The following DOC2A variants were observed in gnomAD, a reference collection of about 807,000 sequenced individuals.
DOC2A encodes the protein double C2-like domain-containing protein alpha.
Under a neutral mutation model 40.6 loss-of-function variants are expected in DOC2A, and 28 were observed. The observed-to-expected ratio is 0.69, with a 90% CI of 0.51 to 0.95. The LOEUF (loss-of-function observed/expected upper bound fraction) is 0.95, where lower values mean the gene tolerates loss of function less well. DOC2A is among the 40% of genes least tolerant of loss of function. DOC2A has a pLI of 0.00. For synonymous variants in DOC2A, 241 were observed against 236.9 expected, an observed-to-expected ratio of 1.02 and a Z score of -0.16; for missense variants, 474 against 552.5, an observed-to-expected ratio of 0.86 and a Z score of 1.42.
upstream of DOC2A, among the ~76,000 whole-genome samples, chr16:30,013,791 C>T (rs1441419671): frequency 3.3e-5 from 5 of 151,128 alleles, no homozygotes; most frequent in African/African-American, 1.2e-4. Flanking sequence ...CTTGGCTCAC[C>T]GCAACCTCTG....
Position 30,006,310 on chromosome 16 carries a change from C to T in DOC2A, c.1079G>A (p.Gly360Asp), listed in dbSNP as rs868040487. ...GTGCTTCCGAGCCTCGCCTCGGGCA[C>T]CTGGCCCCAGGGACACGCCACCTGG... ...DFIGGVSLGP[G>D]ARGEARKHWS... The change falls in exon 11 of 11, where the codon GGT (glycine) becomes GAT (aspartate). Residue 360 changes from glycine to aspartate, a missense_variant. Gly to Asp is a moderately conservative substitution (Grantham distance 94, BLOSUM62 -1). Coordinates refer to ENST00000350119, the MANE Select transcript of DOC2A (RefSeq NM_003586.3). This position sits in a 1 kb window ranked among gnomAD's most constrained non-coding sequence, Gnocchi z 6.2. 4 of 1,611,632 alleles carry T rather than the reference C, an allele frequency of 2.5e-6. No homozygotes were observed. The highest frequency in any genetic ancestry group is 1.7e-4 in the Middle Eastern group (1 of 6,050).
rs1174230719 is a variant in DOC2A at position 30,005,720 on chromosome 16, C to G, written c.*466G>C. 1 of 526,786 alleles carries G rather than the reference C, an allele frequency of 1.9e-6. No individual in the cohort carries two copies. The highest frequency in any genetic ancestry group is 3.3e-6 in the Non-Finnish European group (1 of 300,760). The allele number at this position is 526,786 out of a possible 1,614,324, so 32.6% of individuals were successfully genotyped here. ...GAGGCAGAGACCCTGCAATGGCCAC[C>G]TCTTTAAAAGGGCAGCTGTACAGGG... On this transcript the variant is annotated 3_prime_UTR_variant, in exon 11 of 11. Transcript: ENST00000350119.
chr16:30,017,537 G>A lies in DOC2A; in HGVS notation c.-376+3646C>T, dbSNP rs184491433. Among the ~76,000 whole-genome samples, 213 of 152,130 alleles carry A rather than the reference G, an allele frequency of 1.4e-3. 3 individuals are homozygous for A. The highest frequency in any genetic ancestry group is 4.7e-3 in the African/African-American group (194 of 41,506). ...GCCATTATCCTAACTGAATTAATGC[G>A]GAAACAGAAAATCAAATACCACATG... On this transcript the variant is annotated intron_variant, in intron 1 of 5. Transcript: ENST00000574405.
chr16:30,018,103 CAAA>C (rs34061843), intron 1 of DOC2A, among the ~76,000 whole-genome samples: 711 of 61,586 alleles, frequency 0.012, 4 homozygotes, highest in East Asian at 0.062. Flanking sequence ...CTATTTCTAC[CAAA>C]AAAAAAAAAA....
rs1596690998 is a variant in DOC2A, at chr16:30,005,646, G to A, written c.*540C>T. 1.7e-5 allele frequency: 10 copies of A among 593,864 alleles called. No individual in the cohort carries two copies. Among genetic ancestry groups the A allele is most frequent in the South Asian group, 1.1e-4 (5 of 46,880 alleles). The allele number at this position is 593,864 out of a possible 1,614,324, so 36.8% of individuals were successfully genotyped here. A position where few individuals can be genotyped will look rare whatever the true frequency, so the allele number is the denominator to read the frequency against. On this transcript the variant is annotated 3_prime_UTR_variant, in exon 11 of 11. Coordinates refer to ENST00000350119, the MANE Select transcript of DOC2A (RefSeq NM_003586.3). Reference sequence around the variant, plus strand: ...TGCCTTCAAACCCCGGCCCCCTCCAGGGGACAGTTATTTAAACGAGTGGCC... The same window carrying A: ...TGCCTTCAAACCCCGGCCCCCTCCAAGGGACAGTTATTTAAACGAGTGGCC...
In DOC2A at chr16:30,006,306, G is replaced by C. The variant is rs2070586494; in HGVS notation, c.1083C>G (p.Ala361=). Residue 361 remains alanine (A), a synonymous_variant, in exon 11 of 11, where the codon GCC becomes GCG. Transcript: ENST00000350119. This position sits in a 1 kb window ranked among gnomAD's most constrained non-coding sequence, Gnocchi z 6.2. ...FIGGVSLGPG[A]RGEARKHWSD... is the part of the protein sequence containing the mutation. The stretch of plus-strand genomic sequence containing the variant: ...TCCAGTGCTTCCGAGCCTCGCCTCG[G>C]GCACCTGGCCCCAGGGACACGCCAC... 1 of 1,611,294 alleles carries C rather than the reference G, an allele frequency of 6.2e-7. No homozygotes were observed. The highest frequency in any genetic ancestry group is 1.7e-5 in the Admixed American group (1 of 59,862).
Position 30,006,315 on chromosome 16 carries a change from C to A in DOC2A, c.1074G>T (p.Gly358=). 6.2e-7 allele frequency: 1 copy of A among 1,611,704 alleles called. No homozygotes were observed. Among genetic ancestry groups the A allele is most frequent in the Non-Finnish European group, 8.5e-7 (1 of 1,179,614 alleles). The change falls in exon 11 of 11, where the codon GGG becomes GGT. Residue 358 remains glycine (G), a synonymous_variant. Coordinates refer to ENST00000350119, the MANE Select transcript of DOC2A (RefSeq NM_003586.3). This position sits in a 1 kb window ranked among gnomAD's most constrained non-coding sequence, Gnocchi z 6.2. ...SNDFIGGVSL[G]PGARGEARKH... ...TCCGAGCCTCGCCTCGGGCACCTGG[C>A]CCCAGGGACACGCCACCTGGGGAGC... is the stretch of plus-strand genomic sequence containing the variant.
At position 30,006,690 on chromosome 16, in the gene DOC2A, T is replaced by G. The variant is rs1328597550; in HGVS notation, c.879-13A>C. ...GGGCCTCAGGTACCTGGGGGTGGGG[T>G]GGAGGGAGACGAACTGAGGGGTGAG... On this transcript the variant is annotated splice_polypyrimidine_tract_variant and intron_variant, in intron 8 of 10. Transcript: ENST00000350119. This position sits in a 1 kb window ranked among gnomAD's most constrained non-coding sequence, Gnocchi z 6.2. 6.2e-7 allele frequency: 1 copy of G among 1,612,730 alleles called. No individual in the cohort carries two copies.
upstream of DOC2A, chr16:30,015,318 T>G (rs1019973645): frequency 2.6e-5 from 4 of 152,344 alleles, no homozygotes; most frequent in African/African-American, 9.6e-5. Context: ...GTTTGTTTGT[T>G]TGTTTGTTTG....
chr16:30,006,745 C>T lies in DOC2A; in HGVS notation c.878+40G>A. ...AGGCCAGGCCCAACTCAGGCCAGGGCAGGCTCCCTGGGGAGGAGAGGGTCA... is the reference window on the plus strand; with the variant it reads ...AGGCCAGGCCCAACTCAGGCCAGGGTAGGCTCCCTGGGGAGGAGAGGGTCA... On this transcript the variant is annotated intron_variant, in intron 8 of 10. Coordinates refer to ENST00000350119, the MANE Select transcript of DOC2A (RefSeq NM_003586.3). The surrounding 1 kb of genome is among the most constrained non-coding windows in gnomAD (Gnocchi z 6.2). 1.2e-6 allele frequency: 2 copies of T among 1,613,822 alleles called. No homozygotes were observed. Among genetic ancestry groups the T allele is most frequent in the South Asian group, 1.1e-5 (1 of 91,086 alleles).
intron 1 of DOC2A, among the ~76,000 whole-genome samples, chr16:30,018,014 C>T (rs2070871805): frequency 6.8e-6 from 1 of 146,360 alleles, no homozygotes; most frequent in Admixed American, 6.9e-5. Flanking sequence ...CGCTGTAATC[C>T]CAGCACTTTG....
Position 30,009,840 on chromosome 16 carries a change from C to T in DOC2A, c.262+121G>A. ...GCTGTGGTGGCCGTCCCTGCCACCC[C>T]CCCACTGCCCTCCTCCCCTACCTAC... On this transcript the variant is annotated intron_variant, in intron 2 of 10. Coordinates refer to ENST00000350119, the MANE Select transcript of DOC2A (RefSeq NM_003586.3). The surrounding 1 kb of genome is among the most constrained non-coding windows in gnomAD (Gnocchi z 4.1). 1 of 1,147,602 alleles carries T rather than the reference C, an allele frequency of 8.7e-7. No homozygotes were observed. The highest frequency in any genetic ancestry group is 2.5e-5 in the East Asian group (1 of 39,620). 71.1% of individuals were successfully genotyped at this position (1,147,602 alleles called of 1,614,324 possible).
In DOC2A at chr16:30,006,086, G is replaced by T; in HGVS notation, c.*100C>A. On this transcript the variant is annotated 3_prime_UTR_variant, in exon 11 of 11. Transcript: ENST00000350119. The surrounding 1 kb of genome is among the most constrained non-coding windows in gnomAD (Gnocchi z 6.2). Reference sequence around the variant, plus strand: ...AGACTCACAAAAATAGGTAGTGCAGGGTGGGGGCAGCCCACCCTGTGTAAA... The same window carrying T: ...AGACTCACAAAAATAGGTAGTGCAGTGTGGGGGCAGCCCACCCTGTGTAAA... The T allele has an allele frequency of 7.3e-7, 1 of 1,377,710 alleles. No individual in the cohort carries two copies. Among genetic ancestry groups the T allele is most frequent in the Non-Finnish European group, 9.7e-7 (1 of 1,026,292 alleles). 85.3% of individuals were successfully genotyped at this position (1,377,710 alleles called of 1,614,324 possible).
chr16:30,008,629 G>C (rs1023515887), intron 5 of DOC2A: 1 of 284,090 alleles, frequency 3.5e-6, no homozygotes, highest in Non-Finnish European at 6.9e-6. Flanking sequence ...TCAGCCTCTC[G>C]AGTAGCTGGG....
rs1040747731 is a variant in DOC2A at position 30,009,836 on chromosome 16, AC to A, written c.262+124del. 5.4e-5 allele frequency: 46 copies of A among 854,214 alleles called. No individual in the cohort carries two copies. The highest frequency in any genetic ancestry group is 1.0e-4 in the South Asian group (7 of 70,118). 52.9% of individuals were successfully genotyped at this position (854,214 alleles called of 1,614,324 possible). On this transcript the variant is annotated intron_variant, in intron 2 of 10. Coordinates refer to ENST00000350119, the MANE Select transcript of DOC2A (RefSeq NM_003586.3). The surrounding 1 kb of genome is among the most constrained non-coding windows in gnomAD (Gnocchi z 4.1). ...TGCAGCTGTGGTGGCCGTCCCTGCC[AC>A]CCCCCCACTGCCCTCCTCCCCTACC...
Position 30,006,631 on chromosome 16 carries a change from C to T in DOC2A, c.925G>A (p.Val309Met). 1.2e-6 allele frequency: 2 copies of T among 1,613,802 alleles called. No individual in the cohort carries two copies. Among genetic ancestry groups the T allele is most frequent in the Non-Finnish European group, 1.7e-6 (2 of 1,179,990 alleles). The part of the protein sequence containing the change: ...VDKKSKHKTC[V>M]KKKTLNPEFN... ...TCTGGGTTGAGAGTCTTCTTCTTCA[C>T]ACACGTCTTATGCTTGGATTTCTTG... Residue 309 changes from valine (V) to methionine (M), a missense_variant, in exon 9 of 11, where the codon GTG becomes ATG. Val to Met is a conservative substitution (Grantham distance 21). Coordinates refer to ENST00000350119, the MANE Select transcript of DOC2A (RefSeq NM_003586.3). This position sits in a 1 kb window ranked among gnomAD's most constrained non-coding sequence, Gnocchi z 6.2.
Position 30,009,452 on chromosome 16 carries a change from G to A in DOC2A, c.342+26C>T, listed in dbSNP as rs374928975. On this transcript the variant is annotated intron_variant, in intron 3 of 10. Coordinates refer to ENST00000350119, the MANE Select transcript of DOC2A (RefSeq NM_003586.3). The surrounding 1 kb of genome is among the most constrained non-coding windows in gnomAD (Gnocchi z 4.1). ...TGGGGGCTGCACGCAAACCGGGCCC[G>A]GGCTTGGGTGGCAGGGAGTGCCCAC... The A allele has an allele frequency of 3.2e-4, 500 of 1,550,126 alleles. No homozygotes were observed. The highest frequency in any genetic ancestry group is 4.1e-4 in the Non-Finnish European group (465 of 1,146,086).
At chr16:30,018,559 C>G (rs1441623932) in intron 1 of DOC2A, 1 of 152,132 alleles carries the variant, frequency 6.6e-6, no homozygotes, top group Non-Finnish European at 1.5e-5. Flanking sequence ...CTGTGTTGAG[C>G]AGACCATCTA....
intron 1 of DOC2A, among the ~76,000 whole-genome samples, chr16:30,017,515 A>G (rs1358258939): frequency 6.6e-6 from 1 of 152,224 alleles, no homozygotes; most frequent in East Asian, 1.9e-4. Context: ...GCTGGAGGCC[A>G]TTATCCTAAC....
Sources: gnomAD v4.1 joint callset for allele counts (sites outside exome capture counted in the v4.1 genomes callset) on GRCh38, gnomAD v4.1.1 for gene constraint, Gnocchi (gnomAD v3.1) non-coding constraint, MANE v1.5 for transcripts, NCBI Gene and HGNC (gene_info 2026-07-23, HGNC 2026-07-21) for gene names.